DENND4C: variants seen among roughly 807,000 people sequenced by gnomAD.
DENND4C encodes DENN domain containing 4C.
A neutral mutation model predicts 203.0 loss-of-function variants in DENND4C; 108 were observed. That is an observed-to-expected ratio of 0.53 (90% CI 0.46 to 0.62). The LOEUF (loss-of-function observed/expected upper bound fraction) is 0.62. Ranked by LOEUF, DENND4C falls within the 20% of genes least tolerant of loss-of-function variation. The pLI, the probability that DENND4C is intolerant of heterozygous loss-of-function variation, is 0.00. For synonymous variants in DENND4C, 871 were observed against 792.4 expected (o/e 1.10, Z -1.67); for missense variants, 2,481 against 2,301.2 (o/e 1.08, Z -1.60).
chr9:19,291,034 A>T (rs1336108095), intron 5 of DENND4C, among the ~76,000 whole-genome samples, 158 bp downstream of exon 5: 22 of 152,206 alleles, frequency 1.4e-4, no homozygotes, highest in Admixed American at 1.4e-3. Context: ...CAACATGAAA[A>T]TTGCTATCAG....
At chr9:19,289,761 G>A (rs1310331011) in intron 4 of DENND4C, among the ~76,000 whole-genome samples, 8 of 149,120 alleles carry the variant, frequency 5.4e-5, no homozygotes, top group African/African-American at 1.5e-4. Context: ...CCCAGGAGGC[G>A]GAGGTTGCAG....
intron 2 of DENND4C, among the ~76,000 whole-genome samples, chr9:19,285,576 C>CTTTTTTTTTT (rs61396893): frequency 7.4e-6 from 1 of 135,852 alleles, no homozygotes; most frequent in Non-Finnish European, 1.6e-5. Flanking sequence ...GTCTTTGTGA[C>CTTTTTTTTTT]TTTTTTTTTT....
intron 30 of DENND4C, among the ~76,000 whole-genome samples, chr9:19,368,764 C>T (rs1049693902): frequency 6.6e-6 from 1 of 152,086 alleles, no homozygotes; most frequent in Non-Finnish European, 1.5e-5. Flanking sequence ...TGCACGACTT[C>T]ACTCCAGCCT....
intron 10 of DENND4C, among the ~76,000 whole-genome samples, chr9:19,314,998 C>G (rs919321602): frequency 6.6e-6 from 1 of 151,842 alleles, no homozygotes; most frequent in African/African-American, 2.4e-5. Context: ...CCTGTCTCTA[C>G]TAAAATAAAA....
intron 5 of DENND4C, chr9:19,292,524 T>G (rs1285023996): frequency 2.0e-5 from 3 of 151,490 alleles, no homozygotes; most frequent in South Asian, 2.1e-4. Flanking sequence ...AGTAGAAATT[T>G]CAAAATTGAA....
intron 26 of DENND4C, among the ~76,000 whole-genome samples, 184 bp from the exon 27 acceptor site, chr9:19,356,788 T>A (rs201969682): frequency 0.024 from 3,411 of 140,288 alleles, 142 homozygotes; most frequent in African/African-American, 0.084. Context: ...TGTGTGTGTG[T>A]GAGAGAGAGA....
At chr9:19,283,310 C>T (rs147844702) in intron 2 of DENND4C, among the ~76,000 whole-genome samples, 1 of 152,098 alleles carries the variant, frequency 6.6e-6, no homozygotes, top group South Asian at 2.1e-4. Flanking sequence ...GGGCAGTAAC[C>T]CACATAGAGC....
intron 2 of DENND4C, among the ~76,000 whole-genome samples, chr9:19,279,505 T>C (rs1325560898): frequency 6.6e-6 from 1 of 151,828 alleles, no homozygotes; most frequent in Non-Finnish European, 1.5e-5. Context: ...TGAAACCCCC[T>C]CTTTACTAAA....
chr9:19,322,748 A>T (rs929539662), intron 12 of DENND4C, among the ~76,000 whole-genome samples: 9 of 151,234 alleles, frequency 6.0e-5, no homozygotes, highest in African/African-American at 1.7e-4. Context: ...AAAAAAAAAA[A>T]AAATAAGGGG....
At chr9:19,359,891 A>G (rs1274297094) in intron 28 of DENND4C, among the ~76,000 whole-genome samples, 4 of 152,232 alleles carry the variant, frequency 2.6e-5, no homozygotes, top group African/African-American at 7.2e-5. Flanking sequence ...TGTAGGAGGA[A>G]GATAATGTCA....
At chr9:19,362,881 A>G (rs1167563852) in intron 30 of DENND4C, among the ~76,000 whole-genome samples, 2 of 152,256 alleles carry the variant, frequency 1.3e-5, no homozygotes, top group Non-Finnish European at 1.5e-5. Context: ...AGAAAAATAC[A>G]ATTCAGTAGA....
chr9:19,312,006 C>G (rs1169530780), intron 10 of DENND4C, among the ~76,000 whole-genome samples: 18 of 152,140 alleles, frequency 1.2e-4, no homozygotes, highest in Admixed American at 1.2e-3. Context: ...ATGTCCCAGA[C>G]TTGTTAAATG....
chr9:19,317,156 T>C (rs1010494607), intron 12 of DENND4C, among the ~76,000 whole-genome samples: 12 of 151,938 alleles, frequency 7.9e-5, no homozygotes, highest in African/African-American at 2.2e-4. Context: ...TTCCTCAATT[T>C]TGCATAGTTC....
At chr9:19,317,196 T>G (rs1002563693) in intron 12 of DENND4C, among the ~76,000 whole-genome samples, 7 of 150,874 alleles carry the variant, frequency 4.6e-5, no homozygotes, top group African/African-American at 1.5e-4. Flanking sequence ...TTTTTTTTTT[T>G]TTTTTAATAG....
chr9:19,276,010 T>C (rs994322551), intron 1 of DENND4C, 148 bp from the exon 2 acceptor site: 4 of 417,152 alleles, frequency 9.6e-6, no homozygotes, highest in African/African-American at 8.2e-5. Context: ...GACAAGATGA[T>C]AAAAGCAGGC....
chr9:19,230,553 G>C (rs903215502), upstream of DENND4C: 2 of 152,254 alleles, frequency 1.3e-5, no homozygotes, highest in Admixed American at 1.3e-4. Flanking sequence ...TGCGCCGCGG[G>C]CAGCTCCTAG....
At chr9:19,324,917 T>C (rs1213525673) in intron 13 of DENND4C, among the ~76,000 whole-genome samples, 3 of 152,060 alleles carry the variant, frequency 2.0e-5, no homozygotes, top group African/African-American at 7.2e-5. Context: ...GAGGTCTCAC[T>C]GTATTGCCCA....
intron 20 of DENND4C, among the ~76,000 whole-genome samples, chr9:19,340,286 A>G (rs997134939): frequency 2.0e-5 from 3 of 152,198 alleles, no homozygotes; most frequent in Non-Finnish European, 4.4e-5. Context: ...CAAACCTACT[A>G]AGATGTTCAG....
At chr9:19,290,409 T>C (rs1306900300) in intron 4 of DENND4C, among the ~76,000 whole-genome samples, 1 of 152,168 alleles carries the variant, frequency 6.6e-6, no homozygotes. Flanking sequence ...TTCCACAAGG[T>C]GTTGGCATGT....
Sources: allele counts gnomAD v4.1 joint callset (sites outside exome capture counted in the v4.1 genomes callset), GRCh38; gene constraint gnomAD v4.1.1; transcripts MANE v1.5; gene names NCBI Gene and HGNC (gene_info 2026-07-23, HGNC 2026-07-21).